ZPLD1: variants seen among roughly 807,000 people sequenced by gnomAD.
ZPLD1 encodes zona pellucida like domain containing 1, also known as zona pellucida-like domain-containing protein 1.
Under a neutral mutation model 47.2 loss-of-function variants are expected in ZPLD1, and 34 were observed. The observed-to-expected ratio is 0.72, with a 90% CI of 0.55 to 0.96. ZPLD1 has a LOEUF of 0.96. Ranked by LOEUF, ZPLD1 falls within the 40% of genes least tolerant of loss-of-function variation. The pLI, the probability that ZPLD1 is intolerant of heterozygous loss-of-function variation, is 0.00. For synonymous variants in ZPLD1, 176 were observed against 186.2 expected (o/e 0.95, Z 0.45); for missense variants, 512 against 505.8 (o/e 1.01, Z -0.12).
chr3:102,386,862 A>G (rs1706429887), intron 6 of ZPLD1, among the ~76,000 whole-genome samples: 1 of 152,028 alleles, frequency 6.6e-6, no homozygotes, highest in Non-Finnish European at 1.5e-5. Context: ...AAACTTACCA[A>G]CCCTAGACTC....
intron 8 of ZPLD1, among the ~76,000 whole-genome samples, chr3:102,420,836 A>G (rs1706868690): frequency 1.3e-5 from 2 of 151,972 alleles, no homozygotes; most frequent in South Asian, 4.1e-4. Context: ...TGACAAAAAT[A>G]TTTTAAAAAT....
intron 8 of ZPLD1, among the ~76,000 whole-genome samples, chr3:102,465,712 A>T (rs1707581279): frequency 6.6e-6 from 1 of 152,202 alleles, no homozygotes; most frequent in African/African-American, 2.4e-5. Flanking sequence ...ATTGGAAACC[A>T]TTCAGAGTGA....
chr3:102,453,590 T>C (rs1005492290), intron 4 of ZPLD1, among the ~76,000 whole-genome samples: 1 of 152,236 alleles, frequency 6.6e-6, no homozygotes. Context: ...CTTTCATGCT[T>C]ACCATTGAAT....
rs3846082 is a variant in ZPLD1 at position 102,422,634 on chromosome 3, G to T, written c.-9+4427G>T. ...GGGAAGGTTTTTGAAAAGCTGAATG[G>T]AGAGATGTCTTTGTGGAGGGTTGGT... On this transcript the variant is annotated intron_variant, in intron 8 of 17. Coordinates refer to the ZPLD1 transcript ENST00000491959. Among the ~76,000 whole-genome samples, 89 of 152,160 alleles carry T rather than the reference G, an allele frequency of 5.8e-4. 2 individuals are homozygous for T. In the South Asian group the frequency reaches 0.012, roughly 20 times the overall value.
At chr3:102,463,460 A>C (rs1304640352) in intron 7 of ZPLD1, among the ~76,000 whole-genome samples, 1 of 152,202 alleles carries the variant, frequency 6.6e-6, no homozygotes, top group Non-Finnish European at 1.5e-5. Context: ...TCAGACTTTG[A>C]CCATTCAGTT....
intron 8 of ZPLD1, among the ~76,000 whole-genome samples, chr3:102,429,549 A>G (rs1174194742): frequency 6.6e-6 from 1 of 151,606 alleles, no homozygotes; most frequent in Non-Finnish European, 1.5e-5. Flanking sequence ...ATTGGGGGGG[A>G]AAGTTATATA....
chr3:102,461,339 T>C (rs1006102868), intron 6 of ZPLD1, among the ~76,000 whole-genome samples: 1 of 152,032 alleles, frequency 6.6e-6, no homozygotes, highest in Non-Finnish European at 1.5e-5. Context: ...TTTTTTGCAC[T>C]CTATTTTTTC....
At position 102,452,768 on chromosome 3, in the gene ZPLD1, T is replaced by C. The variant is rs955904323; in HGVS notation, c.107-151T>C. ...AGGCTATTTTTCTTGTCTACTTTAC[T>C]TAATAGCTGGCACATTGGATTATGG... On this transcript the variant is annotated intron_variant, in intron 3 of 11. Transcript: ENST00000466937. 47 of 853,290 alleles carry C rather than the reference T, an allele frequency of 5.5e-5. No homozygotes were observed. The East Asian group carries it at 1.3e-3, about 23-fold the overall frequency. The allele number at this position is 853,290 out of a possible 1,614,324, so 52.9% of individuals were successfully genotyped here. A position where few individuals can be genotyped will look rare whatever the true frequency, so the allele number is the denominator to read the frequency against.
chr3:102,469,832 T>G (rs1021473768), intron 9 of ZPLD1, among the ~76,000 whole-genome samples: 1 of 152,196 alleles, frequency 6.6e-6, no homozygotes, highest in Non-Finnish European at 1.5e-5. Context: ...CCATTTAAAG[T>G]AGTGAATAAA....
chr3:102,450,697 G>T (rs377288864), intron 3 of ZPLD1, among the ~76,000 whole-genome samples: 1 of 152,120 alleles, frequency 6.6e-6, no homozygotes, highest in South Asian at 2.1e-4. Context: ...ATTAAGACTG[G>T]AAATAAAGGA....
chr3:102,447,071 T>C (rs1707267155), intron 3 of ZPLD1, among the ~76,000 whole-genome samples: 1 of 151,606 alleles, frequency 6.6e-6, no homozygotes, highest in African/African-American at 2.4e-5. Flanking sequence ...GCATCTCATC[T>C]TTTTTTTTCC....
At chr3:102,409,405 G>A (rs1487765359) in intron 7 of ZPLD1, among the ~76,000 whole-genome samples, 1 of 151,702 alleles carries the variant, frequency 6.6e-6, no homozygotes, top group African/African-American at 2.4e-5. Context: ...CTGTTACAGT[G>A]GCAATTAAAT....
chr3:102,453,264 C>G, intron 4 of ZPLD1, 125 bp downstream of exon 4: 1 of 858,340 alleles, frequency 1.2e-6, no homozygotes, highest in Non-Finnish European at 1.8e-6. Flanking sequence ...AAATCACTTT[C>G]CTTTGCCTGT....
chr3:102,462,336 C>G lies in ZPLD1; in HGVS notation c.638C>G (p.Thr213Ser). 8 of 1,611,624 alleles carry G rather than the reference C, an allele frequency of 5.0e-6. No homozygotes were observed. Among genetic ancestry groups the G allele is most frequent in the Non-Finnish European group, 6.8e-6 (8 of 1,178,816 alleles). ...CCCAGTATAGGATTACCTTTGAAAA[C>G]CAAAGTATTTGCAGCTGTCCAAGCC... The part of the protein sequence containing the change: ...IIPSIGLPLK[T>S]KVFAAVQATN... The change falls in exon 7 of 12, where the codon ACC becomes AGC. Residue 213 changes from threonine (T) to serine (S), a missense_variant. Transcript: ENST00000466937.
chr3:102,477,488 C>T lies in ZPLD1; in HGVS notation c.1118C>T (p.Ala373Val). The T allele has an allele frequency of 6.2e-7, 1 of 1,613,798 alleles. No homozygotes were observed. Among genetic ancestry groups the T allele is most frequent in the Non-Finnish European group, 8.5e-7 (1 of 1,179,762 alleles). Residue 373 changes from alanine (A) to valine (V), a missense_variant, in exon 12 of 12, where the codon GCA becomes GTA. Ala to Val is a moderately conservative substitution (Grantham distance 64). Coordinates refer to ENST00000466937, the MANE Select transcript of ZPLD1 (RefSeq NM_001329788.2). ...TTCCAGCTGAACGCCATCACCAGCG[C>T]ACTGATATCAGGAATGGTCATTCTG... is the stretch of plus-strand genomic sequence containing the variant. ...PPFQLNAITS[A>V]LISGMVILGV...
At chr3:102,462,645 G>T (rs1041604493) in intron 7 of ZPLD1, among the ~76,000 whole-genome samples, 1 of 151,952 alleles carries the variant, frequency 6.6e-6, no homozygotes, top group African/African-American at 2.4e-5. Context: ...CTGGGATGCC[G>T]AAATGTTGTA....
intron 7 of ZPLD1, among the ~76,000 whole-genome samples, chr3:102,410,334 A>C (rs1217135041): frequency 6.6e-6 from 1 of 151,748 alleles, no homozygotes; most frequent in Non-Finnish European, 1.5e-5. Flanking sequence ...TATGGGGCAA[A>C]CACATGCATT....
chr3:102,466,048 A>C (rs1375520224), intron 8 of ZPLD1, among the ~76,000 whole-genome samples: 1 of 152,210 alleles, frequency 6.6e-6, no homozygotes, highest in East Asian at 1.9e-4. Flanking sequence ...TCAGAGCCTC[A>C]GAAGTGGCAG....
chr3:102,431,599 C>G (rs564532201), upstream of ZPLD1, among the ~76,000 whole-genome samples: 1 of 152,118 alleles, frequency 6.6e-6, no homozygotes, highest in Non-Finnish European at 1.5e-5. Context: ...GAGTTGTGAT[C>G]CTTAGCACTT....
Sources: allele counts gnomAD v4.1 joint callset (sites outside exome capture counted in the v4.1 genomes callset), GRCh38; gene constraint gnomAD v4.1.1; transcripts MANE v1.5; gene names NCBI Gene and HGNC (gene_info 2026-07-23, HGNC 2026-07-21).